The following HNF4A variants were observed in gnomAD, a reference collection of about 807,000 sequenced individuals.
HNF4A encodes the protein hepatocyte nuclear factor 4-alpha.
A neutral mutation model predicts 52.4 loss-of-function variants in HNF4A; 15 were observed. The ratio of observed to expected loss-of-function variants is 0.29; its 90% CI spans 0.19 to 0.44. HNF4A has a LOEUF of 0.44. HNF4A is among the 20% of genes least tolerant of loss of function. The pLI, the probability that HNF4A is intolerant of heterozygous loss-of-function variation, is 1.00. For synonymous variants in HNF4A, 280 were observed against 264.4 expected (o/e 1.06, Z -0.57); for missense variants, 479 against 647.2 (o/e 0.74, Z 2.82).
rs571039929 is a variant in HNF4A, at chr20:44,376,121, C to T, written c.49+20268C>T. On this transcript the variant is annotated intron_variant, in intron 1 of 9. Transcript: ENST00000316673. The stretch of plus-strand genomic sequence containing the variant: ...AAATTAGCCGGGCATGGTAATTAGC[C>T]GGGCATGGTGGCATGCACCTGTAAT... Among the ~76,000 whole-genome samples the T allele has an allele frequency of 9.2e-5, 14 of 152,088 alleles. No homozygotes were observed. In the South Asian group the frequency reaches 2.9e-3, roughly 32 times the overall value.
intron 1 of HNF4A, among the ~76,000 whole-genome samples, chr20:44,385,057 A>ATGTTTTTTTTTTTTTTT (rs1491454694): frequency 3.3e-5 from 1 of 29,920 alleles, no homozygotes. Context: ...GAACTCTGTG[A>ATGTTTTTTTTTTTTTTT]TCTTTTTTTT....
At chr20:44,378,636 T>C (rs951626439) in intron 1 of HNF4A, among the ~76,000 whole-genome samples, 4 of 151,996 alleles carry the variant, frequency 2.6e-5, no homozygotes, top group African/African-American at 4.8e-5. Context: ...ATCAGCACCA[T>C]CCATCACCTG....
At position 44,367,129 on chromosome 20, in the gene HNF4A, A is replaced by G. The variant is rs557156206; in HGVS notation, c.49+11276A>G. Among the ~76,000 whole-genome samples, 11 of 152,296 alleles carry G rather than the reference A, an allele frequency of 7.2e-5. No homozygotes were observed. In the East Asian group the frequency reaches 2.1e-3, roughly 29 times the overall value. ...GGTGAGTGGATCACCTGAGGTCAGG[A>G]GTTCAAGACCAGCCTGACCAACATG... On this transcript the variant is annotated intron_variant, in intron 1 of 9. Coordinates refer to the HNF4A transcript ENST00000316673.
chr20:44,421,851 A>T (rs2063750952), intron 7 of HNF4A, among the ~76,000 whole-genome samples: 2 of 146,082 alleles, frequency 1.4e-5, no homozygotes, highest in Non-Finnish European at 3.0e-5. Context: ...TACGTATAAT[A>T]TATATTATAT....
rs145280017 is a variant in HNF4A at position 44,419,776 on chromosome 20, G to C, written c.792G>C (p.Val264=). ...CGGAGCTGGCGGAGATGAGCCGGGT[G>C]TCCATACGCATCCTTGACGAGCTGG... is the stretch of plus-strand genomic sequence containing the variant. Residue 264 remains valine, a synonymous_variant, in exon 7 of 10, where the codon GTG becomes GTC. Transcript: ENST00000316099. 1.1e-5 allele frequency: 18 copies of C among 1,614,032 alleles called. No homozygotes were observed. Among genetic ancestry groups the C allele is most frequent in the Non-Finnish European group, 1.4e-5 (16 of 1,180,018 alleles).
At position 44,414,498 on chromosome 20, in the gene HNF4A, C is replaced by T. The variant is rs1429999912; in HGVS notation, c.493-9C>T. The T allele has an allele frequency of 6.2e-7, 1 of 1,614,248 alleles. No homozygotes were observed. The highest frequency in any genetic ancestry group is 8.5e-7 in the Non-Finnish European group (1 of 1,180,040). ...ATCTCCAGCATTTTCTTCCCTGTAT[C>T]TCTCGAAGATCACCTCCCCCGTCTC... On this transcript the variant is annotated splice_polypyrimidine_tract_variant and intron_variant, in intron 4 of 9. Transcript: ENST00000316099.
intron 3 of HNF4A, among the ~76,000 whole-genome samples, chr20:44,408,373 G>A (rs11574730): frequency 0.15 from 22,341 of 152,024 alleles, 2,175 homozygotes; most frequent in African/African-American, 0.28. Flanking sequence ...CAGATACCAG[G>A]GACATTTAAA....
At chr20:44,414,962 A>G (rs915128619) in intron 5 of HNF4A, among the ~76,000 whole-genome samples, 2 of 152,228 alleles carry the variant, frequency 1.3e-5, no homozygotes, top group Non-Finnish European at 2.9e-5. Flanking sequence ...ACTATCCAGC[A>G]TAGCTGGGAT....
chr20:44,402,513 T>G, intron 1 of HNF4A: 13 of 1,303,796 alleles, frequency 1.0e-5, no homozygotes, highest in Non-Finnish European at 1.2e-5. Flanking sequence ...ACTCACCAAG[T>G]GAGATTCATA....
intron 5 of HNF4A, among the ~76,000 whole-genome samples, chr20:44,417,832 G>C (rs975614440): frequency 1.3e-5 from 2 of 151,990 alleles, no homozygotes; most frequent in Admixed American, 6.6e-5. Flanking sequence ...AGCCAGGCAT[G>C]GTGGTGCACG....
rs878867949 is a variant in HNF4A at position 44,429,878 on chromosome 20, G to A, written c.*213G>A. 15 of 595,306 alleles carry A rather than the reference G, an allele frequency of 2.5e-5. No individual in the cohort carries two copies. In the South Asian group the frequency reaches 2.9e-4, roughly 11 times the overall value. 36.9% of individuals were successfully genotyped at this position (595,306 alleles called of 1,614,324 possible). Reference sequence around the variant, plus strand: ...CTGGATAACAAGACTTTGACTTGGGGAGACCTCTACTGCCTTGGACAACTT... The same window carrying A: ...CTGGATAACAAGACTTTGACTTGGGAAGACCTCTACTGCCTTGGACAACTT... On this transcript the variant is annotated 3_prime_UTR_variant, in exon 10 of 10. Transcript: ENST00000316099.
At chr20:44,355,910 C>G in intron 1 of HNF4A, 57 bp downstream of exon 1, 1 of 1,411,116 alleles carries the variant, frequency 7.1e-7, no homozygotes, top group Non-Finnish European at 9.9e-7. Flanking sequence ...CTTTGGGAGG[C>G]CATGGGACAC....
chr20:44,375,808 G>A (rs1264875328), intron 1 of HNF4A, among the ~76,000 whole-genome samples: 1 of 152,108 alleles, frequency 6.6e-6, no homozygotes, highest in Non-Finnish European at 1.5e-5. Flanking sequence ...CAATACCTTG[G>A]CCACTCCAAG....
chr20:44,401,614 G>T, intron 1 of HNF4A: 1 of 1,189,738 alleles, frequency 8.4e-7, no homozygotes, highest in Non-Finnish European at 1.2e-6. Flanking sequence ...TGGTCCTACA[G>T]GCCAGCACAG....
intron 1 of HNF4A, chr20:44,373,112 GC>G (rs2063050799): frequency 6.6e-6 from 1 of 152,144 alleles, no homozygotes; most frequent in South Asian, 2.1e-4. Flanking sequence ...ATAAATGTCA[GC>G]TGTCATCATA....
At chr20:44,401,031 C>G (rs980804962), upstream of HNF4A, among the ~76,000 whole-genome samples, 1 of 151,928 alleles carries the variant, frequency 6.6e-6, no homozygotes, top group Non-Finnish European at 1.5e-5. Flanking sequence ...TGATGCCTGC[C>G]TTGTACAATT....
chr20:44,383,715 AG>A (rs2063184195), intron 1 of HNF4A, among the ~76,000 whole-genome samples: 1 of 150,756 alleles, frequency 6.6e-6, no homozygotes, highest in African/African-American at 2.5e-5. Context: ...CATCATGCCC[AG>A]CTAATTTTTG....
chr20:44,380,833 T>C (rs2063144141), intron 1 of HNF4A, among the ~76,000 whole-genome samples: 1 of 152,228 alleles, frequency 6.6e-6, no homozygotes, highest in African/African-American at 2.4e-5. Context: ...CAAGAAATCA[T>C]CACCAAATCT....
chr20:44,358,259 A>AAAAAAAAAG (rs369160824), intron 1 of HNF4A, among the ~76,000 whole-genome samples: 1 of 149,870 alleles, frequency 6.7e-6, no homozygotes, highest in Non-Finnish European at 1.5e-5. Flanking sequence ...AAAAAAAAAA[A>AAAAAAAAAG]AAAGAAAAGA....
Sources: allele counts gnomAD v4.1 joint callset (sites outside exome capture counted in the v4.1 genomes callset), GRCh38; gene constraint gnomAD v4.1.1; transcripts MANE v1.5; gene names NCBI Gene and HGNC (gene_info 2026-07-23, HGNC 2026-07-21).